The following TTLL1 variants were observed in gnomAD, a reference collection of about 807,000 sequenced individuals.
TTLL1 encodes the protein polyglutamylase complex subunit TTLL1.
In TTLL1, 33 loss-of-function variants were observed where a neutral mutation model predicts 47.8. The observed-to-expected ratio is 0.69, with a 90% CI of 0.52 to 0.92. TTLL1 has a LOEUF of 0.92. TTLL1 is among the 40% of genes least tolerant of loss of function. The probability of loss-of-function intolerance (pLI) is 0.00; values close to 1 mark genes in which losing one functional copy is unlikely to be tolerated. For missense variants in TTLL1, 488 were observed against 547.5 expected (o/e 0.89, Z 1.08); for synonymous variants, 225 against 214.1 (o/e 1.05, Z -0.45).
At chr22:43,085,650 T>G (rs1348360419) in intron 1 of TTLL1, among the ~76,000 whole-genome samples, 2 of 152,210 alleles carry the variant, frequency 1.3e-5, no homozygotes, top group Non-Finnish European at 2.9e-5. Flanking sequence ...AACCTCTTCC[T>G]TTTATAAATT....
chr22:43,088,439 C>A (rs1269702102), intron 1 of TTLL1, among the ~76,000 whole-genome samples: 1 of 149,054 alleles, frequency 6.7e-6, no homozygotes. Flanking sequence ...CGGGTTCACG[C>A]CATTCTCCTG....
chr22:43,073,263 T>C (rs974211780), intron 3 of TTLL1, among the ~76,000 whole-genome samples: 26 of 152,068 alleles, frequency 1.7e-4, no homozygotes, highest in Non-Finnish European at 1.5e-5. Flanking sequence ...TGACCTCAGG[T>C]GATCCACCTG....
At chr22:43,086,263 C>G (rs764053328) in intron 1 of TTLL1, among the ~76,000 whole-genome samples, 1 of 152,142 alleles carries the variant, frequency 6.6e-6, no homozygotes, top group Non-Finnish European at 1.5e-5. Flanking sequence ...CCAGGAAAAA[C>G]AGAGTGACAT....
intron 1 of TTLL1, among the ~76,000 whole-genome samples, chr22:43,088,739 T>C (rs1929417173): frequency 6.6e-6 from 1 of 152,232 alleles, no homozygotes; most frequent in African/African-American, 2.4e-5. Flanking sequence ...CCAAAAGGGC[T>C]AACAATGATA....
chr22:43,060,561 C>T (rs1185444386), intron 7 of TTLL1, among the ~76,000 whole-genome samples: 4 of 152,214 alleles, frequency 2.6e-5, no homozygotes, highest in Non-Finnish European at 5.9e-5. Context: ...CTTGAGAAGA[C>T]GCCATTATCA....
chr22:43,058,020 T>C (rs1046604903), intron 8 of TTLL1, among the ~76,000 whole-genome samples: 10 of 151,640 alleles, frequency 6.6e-5, no homozygotes, highest in African/African-American at 2.4e-4. Context: ...CTCGGCTCAC[T>C]GCAAGCTCTG....
rs759280952 is a variant in TTLL1 at position 43,064,228 on chromosome 22, G to A, written c.600C>T (p.Tyr200=). ...IGGRKFDLRL[Y]VLVSTYRPLR... ...GTGGACGGTACGTGGACACCAGAAC[G>A]TACAAGCGCAGGTCGAACTTCCTCC... Residue 200 remains tyrosine (Y), a synonymous_variant, in exon 6 of 11, where the codon TAC becomes TAT. Transcript: ENST00000266254. The A allele has an allele frequency of 3.8e-5, 62 of 1,614,008 alleles. No individual in the cohort carries two copies. The South Asian group carries it at 5.5e-4, about 14-fold the overall frequency.
intron 1 of TTLL1, among the ~76,000 whole-genome samples, chr22:43,088,163 A>G (rs1288725967): frequency 6.6e-6 from 1 of 151,722 alleles, no homozygotes; most frequent in Admixed American, 6.6e-5. Flanking sequence ...AAATAAATAA[A>G]TAAAGTAATA....
intron 3 of TTLL1, among the ~76,000 whole-genome samples, chr22:43,070,429 G>A (rs1176659387): frequency 6.6e-6 from 1 of 152,084 alleles, no homozygotes; most frequent in African/African-American, 2.4e-5. Context: ...AGAGAAGCAG[G>A]GAAGGGGTAC....
chr22:43,064,136 A>G, intron 6 of TTLL1, 54 bp downstream of exon 6: 3 of 1,588,282 alleles, frequency 1.9e-6, no homozygotes, highest in Non-Finnish European at 2.6e-6. Flanking sequence ...AAGAAGAAAG[A>G]CGTTTTGGGT....
intron 1 of TTLL1, among the ~76,000 whole-genome samples, chr22:43,084,611 C>A (rs963398913): frequency 6.6e-6 from 1 of 151,900 alleles, no homozygotes; most frequent in African/African-American, 2.4e-5. Flanking sequence ...ACGCCATTCT[C>A]CTGCCTCAGC....
chr22:43,056,871 T>G (rs955834975), intron 8 of TTLL1, among the ~76,000 whole-genome samples: 1 of 152,154 alleles, frequency 6.6e-6, no homozygotes, highest in Non-Finnish European at 1.5e-5. Flanking sequence ...TGGCTCACTG[T>G]ACCCTCAAAC....
At chr22:43,066,943 G>C (rs922458739) in intron 5 of TTLL1, among the ~76,000 whole-genome samples, 1 of 151,714 alleles carries the variant, frequency 6.6e-6, no homozygotes, top group Admixed American at 6.6e-5. Context: ...AGCTGAGATT[G>C]TACCACTGTA....
intron 10 of TTLL1, among the ~76,000 whole-genome samples, chr22:43,044,226 A>G (rs1925923513): frequency 7.0e-6 from 1 of 143,450 alleles, no homozygotes; most frequent in Non-Finnish European, 1.5e-5. Flanking sequence ...GCAGCTGATC[A>G]TGGAGGGAGA....
intron 10 of TTLL1, among the ~76,000 whole-genome samples, chr22:43,043,025 C>T (rs1469978717): frequency 4.6e-5 from 7 of 151,384 alleles, no homozygotes; most frequent in Admixed American, 6.6e-5. Context: ...CTGCAACCTC[C>T]GCCTCCTGGG....
chr22:43,064,868 G>A (rs546275395), intron 5 of TTLL1, among the ~76,000 whole-genome samples: 1 of 152,100 alleles, frequency 6.6e-6, no homozygotes, highest in African/African-American at 2.4e-5. Context: ...GGATCTGGAC[G>A]AGCTTGGTGG....
chr22:43,069,551 A>G (rs941714345), intron 4 of TTLL1, 85 bp downstream of exon 4: 11 of 1,581,626 alleles, frequency 7.0e-6, no homozygotes, highest in Non-Finnish European at 9.4e-6. Flanking sequence ...CATCAAAGCC[A>G]ACAGTCACCA....
intron 5 of TTLL1, among the ~76,000 whole-genome samples, chr22:43,068,166 A>G (rs1257334149): frequency 1.3e-5 from 2 of 151,400 alleles, no homozygotes; most frequent in Non-Finnish European, 2.9e-5. Context: ...AAAATACAAA[A>G]ATTAGCTGGG....
At chr22:43,040,708 G>A (rs370945052) in intron 10 of TTLL1, among the ~76,000 whole-genome samples, 1 of 152,206 alleles carries the variant, frequency 6.6e-6, no homozygotes, top group African/African-American at 2.4e-5. Flanking sequence ...GCCTCCCAAA[G>A]TGCTGGGATG....
Sources: allele counts gnomAD v4.1 joint callset (sites outside exome capture counted in the v4.1 genomes callset), GRCh38; gene constraint gnomAD v4.1.1; transcripts MANE v1.5; gene names NCBI Gene and HGNC (gene_info 2026-07-23, HGNC 2026-07-21).